Variants in DPH7 observed in about 807,000 individuals in gnomAD.
DPH7 encodes diphthine methyltransferase.
Under a neutral mutation model 41.7 loss-of-function variants are expected in DPH7, and 44 were observed. That is an observed-to-expected ratio of 1.05 (90% confidence interval 0.83 to 1.36). DPH7 has a LOEUF of 1.36. Ranked by LOEUF, DPH7 falls within the 40% of genes most tolerant of loss-of-function variation. DPH7 has a pLI of 0.00. For missense variants in DPH7, 629 were observed against 577.5 expected (o/e 1.09, Z -0.91); for synonymous variants, 275 against 238.0 (o/e 1.16, Z -1.43).
At chr9:137,557,733 C>A (rs189785751) in intron 8 of DPH7, among the ~76,000 whole-genome samples, 13 of 151,214 alleles carry the variant, frequency 8.6e-5, no homozygotes, top group Non-Finnish European at 1.0e-4. Context: ...GCAGGAGAAT[C>A]CCCTGAACCT....
chr9:137,561,697 G>A (rs1391014512), intron 8 of DPH7, among the ~76,000 whole-genome samples: 1 of 152,010 alleles, frequency 6.6e-6, no homozygotes, highest in Admixed American at 6.6e-5. Flanking sequence ...AATGTTACTA[G>A]ATTTAAAGAC....
intron 2 of DPH7, 54 bp downstream of exon 2, chr9:137,577,416 C>T: frequency 1.3e-6 from 2 of 1,577,690 alleles, no homozygotes; most frequent in Non-Finnish European, 1.7e-6. Context: ...ATCAGGCTTC[C>T]CTGATTGCTA....
chr9:137,572,265 G>A (rs1465686231), intron 5 of DPH7, among the ~76,000 whole-genome samples: 1 of 152,206 alleles, frequency 6.6e-6, no homozygotes, highest in Non-Finnish European at 1.5e-5. Context: ...GAGACTGAGG[G>A]AATGTGGACT....
At position 137,556,990 on chromosome 9, in the gene DPH7, TC is replaced by T; in HGVS notation, c.950-1343del. On this transcript the variant is annotated intron_variant, in intron 8 of 8. Coordinates refer to ENST00000277540, the MANE Select transcript of DPH7 (RefSeq NM_138778.5). This position sits in a 1 kb window ranked among gnomAD's most constrained non-coding sequence, Gnocchi z 5.2. ...TTTTATTTTCAAGACAGGACCTCAC[TC>T]TGTCGCATAGGCTGGAGTGCACTGA... 2.3e-6 allele frequency: 1 copy of T among 441,436 alleles called. No individual in the cohort carries two copies. The highest frequency in any genetic ancestry group is 1.6e-5 in the South Asian group (1 of 62,094). The allele number at this position is 441,436 out of a possible 1,614,324, so 27.3% of individuals were successfully genotyped here. A position where few individuals can be genotyped will look rare whatever the true frequency, so the allele number is the denominator to read the frequency against.
rs1266655084 is a variant in DPH7, at chr9:137,556,903, G to T, written c.950-1255C>A. 21 of 456,438 alleles carry T rather than the reference G, an allele frequency of 4.6e-5. No individual in the cohort carries two copies. Among genetic ancestry groups the T allele is most frequent in the South Asian group, 1.5e-4 (10 of 64,570 alleles). 28.3% of individuals were successfully genotyped at this position (456,438 alleles called of 1,614,324 possible). On this transcript the variant is annotated intron_variant, in intron 8 of 8. Transcript: ENST00000277540. This position sits in a 1 kb window ranked among gnomAD's most constrained non-coding sequence, Gnocchi z 5.2. ...AGCGAATGAGTGGACGGAAGACACT[G>T]TTGCGACCCCAAGAATGGGAGGCCC...
At chr9:137,562,948 C>T (rs980909427) in intron 8 of DPH7, among the ~76,000 whole-genome samples, 4 of 150,372 alleles carry the variant, frequency 2.7e-5, no homozygotes, top group African/African-American at 9.8e-5. Context: ...TTCTGGGTGA[C>T]AGAGCAAGAC....
chr9:137,555,627 A>ACCG lies in DPH7; in HGVS notation c.968_970dup (p.Thr323_Val324insAla). 1 of 1,605,026 alleles carries ACCG rather than the reference A, an allele frequency of 6.2e-7. No individual in the cohort carries two copies. The highest frequency in any genetic ancestry group is 1.1e-5 in the South Asian group (1 of 90,352). On this transcript the variant is annotated inframe_insertion, in exon 9 of 9. Transcript: ENST00000277540. ...GTCGGGCAATGTGTGAGATGTCAGG[A>ACCG]CCGTCGCCTCCTGCCTCTCCTCTGG...
intron 5 of DPH7, among the ~76,000 whole-genome samples, chr9:137,573,401 G>A (rs909921313): frequency 7.6e-5 from 11 of 144,570 alleles, no homozygotes; most frequent in East Asian, 6.0e-4. Flanking sequence ...TAAGTGGGCC[G>A]GGTGCAGTGG....
intron 8 of DPH7, among the ~76,000 whole-genome samples, chr9:137,560,305 G>A (rs1353694025): frequency 6.6e-6 from 1 of 152,176 alleles, no homozygotes. Context: ...CTGTCACCAG[G>A]ATGGATGGGA....
chr9:137,574,110 A>G lies in DPH7; in HGVS notation c.640+98T>C, dbSNP rs962216223. On this transcript the variant is annotated intron_variant, in intron 5 of 8. Coordinates refer to ENST00000277540, the MANE Select transcript of DPH7 (RefSeq NM_138778.5). ...CATAAAAGGTCTTCAAGATCCCAAC[A>G]TAACTGGAATCACAGCTGTGGCACA... 11 of 1,290,148 alleles carry G rather than the reference A, an allele frequency of 8.5e-6. No homozygotes were observed. The South Asian group carries it at 1.2e-4, about 14-fold the overall frequency. The allele number at this position is 1,290,148 out of a possible 1,614,324, so 79.9% of individuals were successfully genotyped here. A position where few individuals can be genotyped will look rare whatever the true frequency, so the allele number is the denominator to read the frequency against.
Position 137,555,513 on chromosome 9 carries a change from G to T in DPH7, c.1085C>A (p.Thr362Asn), listed in dbSNP as rs140026738. 1.1e-4 allele frequency: 173 copies of T among 1,614,102 alleles called. 1 individual carries two copies. The African/African-American group carries it at 2.1e-3, about 19-fold the overall frequency. Reference sequence around the variant, plus strand: ...TGCACCCTTCAGGTCTGCCGTCTTGGTTCCTAGGTTGCTAGGAAAGGACCA... The same window carrying T: ...TGCACCCTTCAGGTCTGCCGTCTTGTTTCCTAGGTTGCTAGGAAAGGACCA... ...PSWSFPSNLG[T>N]KTADLKGASE... The change falls in exon 9 of 9, where the codon ACC becomes AAC. Residue 362 changes from threonine to asparagine, a missense_variant. Transcript: ENST00000277540.
rs767859766 is a variant in DPH7, at chr9:137,555,599, C to T, written c.999G>A (p.Ser333=). 5.6e-6 allele frequency: 9 copies of T among 1,612,392 alleles called. No individual in the cohort carries two copies. Among genetic ancestry groups the T allele is most frequent in the African/African-American group, 2.7e-5 (2 of 75,020 alleles). Residue 333 remains serine, a synonymous_variant, in exon 9 of 9, where the codon TCG becomes TCA. Coordinates refer to ENST00000277540, the MANE Select transcript of DPH7 (RefSeq NM_138778.5). ...AGGACCAGTCGGCTCCATACACCAG[C>T]GAGTCGGGCAATGTGTGAGATGTCA... ...TVLTSHTLPD[S]LVYGADWSWL...
chr9:137,560,022 T>C (rs1192360960), intron 8 of DPH7, among the ~76,000 whole-genome samples: 1 of 152,212 alleles, frequency 6.6e-6, no homozygotes, highest in Non-Finnish European at 1.5e-5. Flanking sequence ...AAATCATGCA[T>C]TTTATGTTAC....
At chr9:137,572,126 C>T (rs115100548) in intron 5 of DPH7, among the ~76,000 whole-genome samples, 2,373 of 152,224 alleles carry the variant, frequency 0.016, 67 homozygotes, top group African/African-American at 0.052. Context: ...TGAGCCACGG[C>T]GGAGGTGAGG....
chr9:137,562,658 C>T (rs980063730), intron 8 of DPH7, among the ~76,000 whole-genome samples: 5 of 152,078 alleles, frequency 3.3e-5, no homozygotes, highest in East Asian at 1.9e-4. Flanking sequence ...CCCAGCTACT[C>T]GGGAGGCTGA....
intron 8 of DPH7, among the ~76,000 whole-genome samples, chr9:137,557,573 C>T (rs1837737365): frequency 6.6e-6 from 1 of 151,620 alleles, no homozygotes; most frequent in African/African-American, 2.4e-5. Flanking sequence ...AATTCCAGCA[C>T]TTTGGGAGGC....
intron 3 of DPH7, chr9:137,575,269 A>C (rs1841181682): frequency 2.0e-6 from 2 of 995,074 alleles, no homozygotes; most frequent in African/African-American, 1.7e-5. Context: ...TCTGGTTTCC[A>C]CTTCAGAAGC....
chr9:137,562,326 C>T (rs1838774591), intron 8 of DPH7, among the ~76,000 whole-genome samples: 1 of 152,188 alleles, frequency 6.6e-6, no homozygotes, highest in Non-Finnish European at 1.5e-5. Context: ...GCAGAGACCA[C>T]ACTCTAGGCC....
At chr9:137,574,450 A>C in intron 4 of DPH7, 70 bp from the exon 5 acceptor site, 1 of 1,539,738 alleles carries the variant, frequency 6.5e-7, no homozygotes, top group South Asian at 1.2e-5. Context: ...TTCCCAAACA[A>C]GTCCTGAGAG....
Sources: gnomAD v4.1 joint callset for allele counts (sites outside exome capture counted in the v4.1 genomes callset) on GRCh38, gnomAD v4.1.1 for gene constraint, Gnocchi (gnomAD v3.1) non-coding constraint, MANE v1.5 for transcripts, NCBI Gene and HGNC (gene_info 2026-07-23, HGNC 2026-07-21) for gene names.